MAD1L1: variants seen among roughly 807,000 people sequenced by gnomAD.
MAD1L1 encodes mitotic arrest deficient 1 like 1, also known as mitotic spindle assembly checkpoint protein MAD1.
Under a neutral mutation model 96.9 loss-of-function variants are expected in MAD1L1, and 95 were observed. The observed-to-expected ratio is 0.98, with a 90% CI of 0.83 to 1.16. The LOEUF is 1.16. Among genes scored for constraint, MAD1L1 ranks in the 50% most tolerant of loss-of-function variants. The pLI is 0.00. For missense variants in MAD1L1, 1,007 were observed against 954.4 expected, an observed-to-expected ratio of 1.06 and a Z score of -0.73; for synonymous variants, 473 against 396.6, an observed-to-expected ratio of 1.19 and a Z score of -2.29.
intron 18 of MAD1L1, chr7:1,848,215 A>C: frequency 5.5e-6 from 1 of 182,254 alleles, no homozygotes; most frequent in Non-Finnish European, 1.2e-5. Context: ...CACAGATGCC[A>C]ACAAGCAAGC....
intron 12 of MAD1L1, among the ~76,000 whole-genome samples, chr7:2,016,423 G>A (rs181066993): frequency 4.6e-5 from 7 of 152,308 alleles, no homozygotes; most frequent in South Asian, 2.1e-4. Context: ...ACCCAGAAGC[G>A]GAGTGCACAA....
intron 13 of MAD1L1, among the ~76,000 whole-genome samples, 176 bp from the exon 14 acceptor site, chr7:2,002,297 C>T (rs150286931): frequency 4.6e-5 from 7 of 152,272 alleles, no homozygotes; most frequent in East Asian, 1.9e-4. Context: ...GGCTGCCCCG[C>T]GAGGCCGAGA....
chr7:2,112,640 G>A (rs991528240), intron 11 of MAD1L1, among the ~76,000 whole-genome samples: 21 of 152,212 alleles, frequency 1.4e-4, no homozygotes, highest in Middle Eastern at 3.2e-3. Flanking sequence ...CACAGGAGGC[G>A]AGGACAGCCC....
At chr7:2,229,607 C>G (rs1169152582) in intron 3 of MAD1L1, among the ~76,000 whole-genome samples, 1 of 152,244 alleles carries the variant, frequency 6.6e-6, no homozygotes, top group Non-Finnish European at 1.5e-5. Flanking sequence ...CACTGTGTTT[C>G]CAACACAGCC....
intron 16 of MAD1L1, among the ~76,000 whole-genome samples, chr7:1,947,858 G>A (rs1460672558): frequency 3.9e-5 from 6 of 152,202 alleles, no homozygotes; most frequent in Non-Finnish European, 7.3e-5. Flanking sequence ...CACACCTGTC[G>A]CCGAGGGGCC....
At chr7:2,099,649 GATTC>G (rs1786676726) in intron 11 of MAD1L1, among the ~76,000 whole-genome samples, 3 of 152,108 alleles carry the variant, frequency 2.0e-5, no homozygotes, top group African/African-American at 7.2e-5. Context: ...AGCACTGGGA[GATTC>G]ATTTCTCTTC....
intron 11 of MAD1L1, among the ~76,000 whole-genome samples, chr7:2,128,325 T>C (rs978186526): frequency 3.3e-5 from 5 of 152,188 alleles, no homozygotes; most frequent in Middle Eastern, 3.4e-3. Context: ...GGGCCATCCA[T>C]GCCTAGAGTC....
chr7:2,208,949 C>G (rs961263142), intron 10 of MAD1L1, among the ~76,000 whole-genome samples: 1 of 152,164 alleles, frequency 6.6e-6, no homozygotes, highest in Non-Finnish European at 1.5e-5. Flanking sequence ...CTCCCTCAGC[C>G]CAACTTCCAG....
chr7:2,204,502 T>C (rs1792488694), intron 10 of MAD1L1, among the ~76,000 whole-genome samples: 1 of 152,228 alleles, frequency 6.6e-6, no homozygotes, highest in African/African-American at 2.4e-5. Flanking sequence ...ACTGACCTGC[T>C]TTCTATCACT....
intron 18 of MAD1L1, among the ~76,000 whole-genome samples, chr7:1,820,795 C>T (rs1254421530): frequency 1.3e-5 from 2 of 151,548 alleles, no homozygotes; most frequent in East Asian, 3.9e-4. Flanking sequence ...CCTGGCAAAA[C>T]TGACAAAGAT....
intron 12 of MAD1L1, among the ~76,000 whole-genome samples, chr7:2,050,501 C>T (rs188117000): frequency 3.3e-4 from 50 of 152,350 alleles, no homozygotes; most frequent in Admixed American, 2.4e-3. Context: ...TCCGTTGAAG[C>T]ACCCACAGAA....
chr7:1,935,225 A>G (rs917169859), intron 17 of MAD1L1, among the ~76,000 whole-genome samples: 1 of 152,386 alleles, frequency 6.6e-6, no homozygotes, highest in Non-Finnish European at 1.5e-5. Context: ...TAACACCTGC[A>G]GAATGCAGGG....
At chr7:1,834,286 G>C (rs1422008815) in intron 18 of MAD1L1, among the ~76,000 whole-genome samples, 1 of 151,966 alleles carries the variant, frequency 6.6e-6, no homozygotes, top group Non-Finnish European at 1.5e-5. Flanking sequence ...GGGCAAATTA[G>C]ACAAAGTAAG....
chr7:2,161,890 G>GTACCCAACAGCTCATTGA (rs1790155457), intron 10 of MAD1L1, among the ~76,000 whole-genome samples: 2 of 147,640 alleles, frequency 1.4e-5, no homozygotes, highest in African/African-American at 4.9e-5. Flanking sequence ...TCCGGGAGGT[G>GTACCCAACAGCTCATTGA]GGGGGCAGCC....
At chr7:2,159,125 C>T (rs1488270460) in intron 10 of MAD1L1, among the ~76,000 whole-genome samples, 2 of 152,218 alleles carry the variant, frequency 1.3e-5, no homozygotes, top group African/African-American at 4.8e-5. Flanking sequence ...GGCTGCTCCA[C>T]CACTACTCTC....
At chr7:2,152,872 G>A (rs900075789) in intron 10 of MAD1L1, among the ~76,000 whole-genome samples, 8 of 152,346 alleles carry the variant, frequency 5.3e-5, no homozygotes, top group African/African-American at 1.9e-4. Flanking sequence ...GGCCGGGAGA[G>A]GACATGCACC....
intron 4 of MAD1L1, chr7:2,223,544 G>A (rs1562387990): frequency 6.6e-6 from 1 of 152,246 alleles, no homozygotes; most frequent in Admixed American, 6.5e-5. Context: ...GGTGGAGTAC[G>A]AGCTTGTGCT....
intron 18 of MAD1L1, among the ~76,000 whole-genome samples, chr7:1,883,523 A>G (rs932920299): frequency 2.6e-5 from 4 of 152,212 alleles, no homozygotes; most frequent in African/African-American, 9.7e-5. Context: ...CTGAAGGCCA[A>G]GCTCCAGTGT....
chr7:1,940,648 C>G (rs934023118), intron 16 of MAD1L1: 1 of 152,414 alleles, frequency 6.6e-6, no homozygotes, highest in Non-Finnish European at 1.5e-5. Context: ...GTCCTAACCA[C>G]GTAGCGCTGC....
Sources: gnomAD v4.1 joint callset for allele counts (sites outside exome capture counted in the v4.1 genomes callset) on GRCh38, gnomAD v4.1.1 for gene constraint, MANE v1.5 for transcripts, NCBI Gene and HGNC (gene_info 2026-07-23, HGNC 2026-07-21) for gene names.